FAM219A: variants seen among roughly 807,000 people sequenced by gnomAD.
FAM219A encodes the protein protein FAM219A.
A neutral mutation model predicts 23.4 loss-of-function variants in FAM219A; 7 were observed. The observed-to-expected ratio is 0.30, with a 90% CI of 0.17 to 0.56. The LOEUF is 0.56. FAM219A is among the 20% of genes least tolerant of loss of function. The pLI is 0.92. For missense variants in FAM219A, 166 were observed against 246.9 expected (o/e 0.67, Z 2.20); for synonymous variants, 93 against 99.0 (o/e 0.94, Z 0.36).
intron 1 of FAM219A, among the ~76,000 whole-genome samples, chr9:34,434,597 A>T (rs1564011658): frequency 6.6e-6 from 1 of 152,216 alleles, no homozygotes; most frequent in African/African-American, 2.4e-5. Context: ...ACAGAAAACG[A>T]TAACACAACA....
At chr9:34,424,298 A>G (rs1822380369) in intron 1 of FAM219A, among the ~76,000 whole-genome samples, 1 of 152,176 alleles carries the variant, frequency 6.6e-6, no homozygotes. Flanking sequence ...GCTTGCTGAT[A>G]TTTCAGCAAA....
chr9:34,455,297 C>A (rs1365184500), intron 1 of FAM219A, among the ~76,000 whole-genome samples: 1 of 151,716 alleles, frequency 6.6e-6, no homozygotes, highest in African/African-American at 2.4e-5. Context: ...GAAAAACAAT[C>A]GAGGAAGGAG....
Position 34,458,119 on chromosome 9 carries a change from G to A in FAM219A, c.60+85C>T. The A allele has an allele frequency of 1.5e-6, 2 of 1,318,732 alleles. No individual in the cohort carries two copies. Among genetic ancestry groups the A allele is most frequent in the Non-Finnish European group, 2.0e-6 (2 of 988,972 alleles). The allele number at this position is 1,318,732 out of a possible 1,614,324, so 81.7% of individuals were successfully genotyped here. A position where few individuals can be genotyped will look rare whatever the true frequency, so the allele number is the denominator to read the frequency against. On this transcript the variant is annotated intron_variant, in intron 1 of 5. Transcript: ENST00000651358. The surrounding 1 kb of genome is among the most constrained non-coding windows in gnomAD (Gnocchi z 6.6). Reference sequence around the variant, plus strand: ...TTGCCCCATCCGATGGCGCCCCTCCGCACGATCCCCCCGGCCTGATTCCCT... The same window carrying A: ...TTGCCCCATCCGATGGCGCCCCTCCACACGATCCCCCCGGCCTGATTCCCT...
intron 1 of FAM219A, among the ~76,000 whole-genome samples, chr9:34,424,140 T>C (rs1439826186): frequency 1.3e-5 from 2 of 151,880 alleles, no homozygotes; most frequent in Admixed American, 1.3e-4. Flanking sequence ...AGAAGAATAA[T>C]GTAAGACAGA....
At chr9:34,444,823 C>T (rs912151789) in intron 1 of FAM219A, among the ~76,000 whole-genome samples, 52 of 152,146 alleles carry the variant, frequency 3.4e-4, no homozygotes, top group Non-Finnish European at 5.7e-4. Context: ...ATTTATTATT[C>T]TCTCTTTTCC....
chr9:34,410,633 C>T (rs1466334700), intron 1 of FAM219A, among the ~76,000 whole-genome samples: 1 of 152,190 alleles, frequency 6.6e-6, no homozygotes, highest in Non-Finnish European at 1.5e-5. Flanking sequence ...AATTATACTC[C>T]TCCTCCACTG....
chr9:34,424,880 G>A (rs967745886), intron 1 of FAM219A, among the ~76,000 whole-genome samples: 2 of 152,088 alleles, frequency 1.3e-5, no homozygotes, highest in Non-Finnish European at 2.9e-5. Context: ...ACGACCTCAG[G>A]TCACTGCAAT....
intron 1 of FAM219A, among the ~76,000 whole-genome samples, chr9:34,423,568 T>C (rs139213420): frequency 6.6e-6 from 1 of 152,302 alleles, no homozygotes; most frequent in African/African-American, 2.4e-5. Context: ...GTAAGATATG[T>C]TCAGGGTTTT....
At chr9:34,406,053 C>G in intron 1 of FAM219A, 89 bp from the exon 2 acceptor site, 1 of 1,309,778 alleles carries the variant, frequency 7.6e-7, no homozygotes, top group Non-Finnish European at 1.0e-6. Context: ...TCCCACCTGC[C>G]CTCTGGGCTT....
At chr9:34,437,544 G>C (rs1185678366) in intron 1 of FAM219A, among the ~76,000 whole-genome samples, 1 of 152,202 alleles carries the variant, frequency 6.6e-6, no homozygotes, top group Non-Finnish European at 1.5e-5. Flanking sequence ...CCAAAAGGGG[G>C]CAGTGCAGTG....
At position 34,400,992 on chromosome 9, in the gene FAM219A, G is replaced by A. The variant is rs1311123512; in HGVS notation, c.530C>T (p.Thr177Met). The change falls in exon 6 of 6, where the codon ACG becomes ATG. Residue 177 changes from threonine (T) to methionine (M), a missense_variant. This residue lies in a region of FAM219A where 72 missense variants were observed against 131.0 expected (regional missense o/e 0.55). Transcript: ENST00000651358. Reference protein sequence around the residue: ...VNPTCMCCQATSSTACHIQ With the variant: ...VNPTCMCCQAMSSTACHIQ Reference sequence around the variant, plus strand: ...CTGAATGTGGCAGGCGGTGGAGGACGTGGCCTGGCAGCACATGCACGTGGG... The same window carrying A: ...CTGAATGTGGCAGGCGGTGGAGGACATGGCCTGGCAGCACATGCACGTGGG... 1 of 1,565,146 alleles carries A rather than the reference G, an allele frequency of 6.4e-7. No individual in the cohort carries two copies. Among genetic ancestry groups the A allele is most frequent in the Non-Finnish European group, 8.7e-7 (1 of 1,151,824 alleles).
chr9:34,450,070 G>A (rs768466939), intron 1 of FAM219A, among the ~76,000 whole-genome samples: 2 of 152,180 alleles, frequency 1.3e-5, no homozygotes, highest in Non-Finnish European at 2.9e-5. Context: ...CCAGCACTTT[G>A]GGAGGCCAAG....
At chr9:34,453,990 T>G (rs1422000499) in intron 1 of FAM219A, among the ~76,000 whole-genome samples, 1 of 152,198 alleles carries the variant, frequency 6.6e-6, no homozygotes. Flanking sequence ...GGTGTATGGC[T>G]CAGACACAGA....
At chr9:34,454,855 CTG>C (rs1195773830) in intron 1 of FAM219A, among the ~76,000 whole-genome samples, 2 of 152,204 alleles carry the variant, frequency 1.3e-5, no homozygotes, top group Non-Finnish European at 2.9e-5. Flanking sequence ...GCAATGGCCT[CTG>C]GATTCTTCCC....
chr9:34,418,644 G>A (rs1028222277), intron 1 of FAM219A, among the ~76,000 whole-genome samples: 1 of 152,230 alleles, frequency 6.6e-6, no homozygotes, highest in African/African-American at 2.4e-5. Context: ...CCTATGTCAA[G>A]TCTTGTGACC....
intron 1 of FAM219A, among the ~76,000 whole-genome samples, chr9:34,434,201 CAAAAAAAA>C (rs56144317): frequency 4.4e-5 from 2 of 44,954 alleles, no homozygotes; most frequent in Non-Finnish European, 8.3e-5. Context: ...GACTCCGTCT[CAAAAAAAA>C]AAAAAAAAAA....
intron 1 of FAM219A, among the ~76,000 whole-genome samples, chr9:34,413,023 T>C (rs1821878656): frequency 6.6e-6 from 1 of 152,204 alleles, no homozygotes; most frequent in African/African-American, 2.4e-5. Context: ...ATACCAGACC[T>C]GTCCTAGACT....
intron 2 of FAM219A, among the ~76,000 whole-genome samples, chr9:34,405,442 A>C (rs1365636446): frequency 6.6e-6 from 1 of 152,198 alleles, no homozygotes; most frequent in African/African-American, 2.4e-5. Context: ...AGATGGGCTG[A>C]GATTGTAATC....
chr9:34,416,247 GAAAGAAAGAAAGGGGGAGGGA>G (rs1564003338), intron 1 of FAM219A, among the ~76,000 whole-genome samples: 5 of 123,520 alleles, frequency 4.0e-5, no homozygotes, highest in South Asian at 6.2e-4. Context: ...AAGAAAGAAA[GAAAGAAAGAAAGGGGGAGGGA>G]GGGAGGGAAG....
Sources: gnomAD v4.1 joint callset for allele counts (sites outside exome capture counted in the v4.1 genomes callset) on GRCh38, gnomAD v4.1.1 for gene constraint, gnomAD v4.1.1 regional missense constraint, Gnocchi (gnomAD v3.1) non-coding constraint, MANE v1.5 for transcripts, NCBI Gene and HGNC (gene_info 2026-07-23, HGNC 2026-07-21) for gene names.